NDEL1: variants seen among roughly 807,000 people sequenced by gnomAD.
The protein encoded by NDEL1 is nuclear distribution protein nudE-like 1.
Under a neutral mutation model 45.7 loss-of-function variants are expected in NDEL1, and 9 were observed. The ratio of observed to expected loss-of-function variants is 0.20; its 90% CI spans 0.12 to 0.34. The LOEUF is 0.34. Among genes scored for constraint, NDEL1 ranks in the 10% least tolerant of loss-of-function variants. NDEL1 has a pLI of 1.00. For missense variants in NDEL1, 306 were observed against 406.2 expected (o/e 0.75, Z 2.12); for synonymous variants, 133 against 158.6 (o/e 0.84, Z 1.21).
chr17:8,460,670 G>A (rs1911140592), intron 8 of NDEL1, among the ~76,000 whole-genome samples: 1 of 152,140 alleles, frequency 6.6e-6, no homozygotes. Flanking sequence ...ATTGTTTTAA[G>A]GTTGAAGCAT....
At chr17:8,449,510 A>G (rs1299301372) in intron 5 of NDEL1, among the ~76,000 whole-genome samples, 1 of 152,200 alleles carries the variant, frequency 6.6e-6, no homozygotes, top group Non-Finnish European at 1.5e-5. Flanking sequence ...GAACTTTTTC[A>G]TCTTGCAAAA....
chr17:8,426,501 G>A (rs928206422), intron 1 of NDEL1, among the ~76,000 whole-genome samples: 2 of 152,144 alleles, frequency 1.3e-5, no homozygotes, highest in Non-Finnish European at 2.9e-5. Flanking sequence ...AACAGCCCTT[G>A]GGGTTGCCAG....
intron 1 of NDEL1, among the ~76,000 whole-genome samples, chr17:8,438,160 T>C: frequency 6.6e-6 from 1 of 152,138 alleles, no homozygotes; most frequent in Non-Finnish European, 1.5e-5. Context: ...GGTTTCACCA[T>C]GTTGGTCAGG....
intron 6 of NDEL1, among the ~76,000 whole-genome samples, chr17:8,451,232 G>A (rs1000642194): frequency 3.9e-5 from 6 of 152,088 alleles, no homozygotes; most frequent in African/African-American, 1.2e-4. Context: ...GATTACAGCC[G>A]TATGTTTAGG....
intron 3 of NDEL1, among the ~76,000 whole-genome samples, chr17:8,446,488 G>C (rs1910085685): frequency 6.6e-6 from 1 of 152,188 alleles, no homozygotes; most frequent in African/African-American, 2.4e-5. Flanking sequence ...TAACAAGTTT[G>C]CGGATTTTGA....
At chr17:8,458,714 TTGTC>T (rs1265986217) in intron 7 of NDEL1, among the ~76,000 whole-genome samples, 1 of 152,042 alleles carries the variant, frequency 6.6e-6, no homozygotes, top group African/African-American at 2.4e-5. Context: ...AGAAAAAAGT[TTGTC>T]TGTTTTTGTT....
chr17:8,459,071 GGGA>G (rs1911034639), intron 7 of NDEL1, among the ~76,000 whole-genome samples: 2 of 152,234 alleles, frequency 1.3e-5, no homozygotes, highest in South Asian at 4.1e-4. Flanking sequence ...GAAATGTGGG[GGGA>G]GGAGGTCCAA....
chr17:8,446,672 C>CA (rs377378540), intron 3 of NDEL1, 82 bp from the exon 4 acceptor site: 5 of 1,472,200 alleles, frequency 3.4e-6, no homozygotes, highest in East Asian at 2.3e-5. Flanking sequence ...GGGTTCCCCC[C>CA]CACCCTTTTA....
At chr17:8,438,676 C>A (rs1909516103) in intron 1 of NDEL1, among the ~76,000 whole-genome samples, 1 of 152,044 alleles carries the variant, frequency 6.6e-6, no homozygotes. Context: ...CCACCACACC[C>A]AGCTCATTTT....
At chr17:8,414,872 A>G (rs1042450281) in intron 1 of NDEL1, among the ~76,000 whole-genome samples, 14 of 152,166 alleles carry the variant, frequency 9.2e-5, no homozygotes, top group African/African-American at 3.1e-4. Flanking sequence ...GACCTATAAA[A>G]TTCCTGGCAA....
intron 1 of NDEL1, among the ~76,000 whole-genome samples, chr17:8,424,545 A>G (rs1908779917): frequency 6.6e-6 from 1 of 152,230 alleles, no homozygotes; most frequent in Non-Finnish European, 1.5e-5. Context: ...TCTGTCGCCC[A>G]GGCTGGAGCG....
chr17:8,426,077 C>T (rs1567720596), intron 1 of NDEL1, among the ~76,000 whole-genome samples: 1 of 152,204 alleles, frequency 6.6e-6, no homozygotes, highest in East Asian at 1.9e-4. Context: ...GGAGTAAGCC[C>T]TTGAGCCCAG....
At chr17:8,430,507 T>C (rs886819554) in intron 1 of NDEL1, among the ~76,000 whole-genome samples, 1 of 152,178 alleles carries the variant, frequency 6.6e-6, no homozygotes, top group Non-Finnish European at 1.5e-5. Context: ...CCCAGATCTC[T>C]CTTAGGGTAG....
chr17:8,454,962 A>G, intron 7 of NDEL1, 75 bp downstream of exon 7: 1 of 1,324,338 alleles, frequency 7.6e-7, no homozygotes, highest in Non-Finnish European at 1.1e-6. Context: ...GAAGTGAGGG[A>G]AGAAAGAAAG....
chr17:8,422,510 T>C (rs763981816), intron 1 of NDEL1, among the ~76,000 whole-genome samples: 20 of 151,994 alleles, frequency 1.3e-4, no homozygotes, highest in Non-Finnish European at 2.6e-4. Context: ...AGCACTTCAG[T>C]GAATGTCTTC....
chr17:8,416,617 G>T (rs1016184432), intron 1 of NDEL1, among the ~76,000 whole-genome samples: 3 of 152,144 alleles, frequency 2.0e-5, no homozygotes, highest in Non-Finnish European at 2.9e-5. Context: ...TCATCCCTAG[G>T]ATTCTGAAAT....
At chr17:8,444,532 C>A (rs1909956599) in intron 2 of NDEL1, 175 bp downstream of exon 2, 1 of 541,490 alleles carries the variant, frequency 1.8e-6, no homozygotes, top group Non-Finnish European at 3.3e-6. Flanking sequence ...TGTAAACATG[C>A]CATAAGTCTT....
intron 1 of NDEL1, among the ~76,000 whole-genome samples, chr17:8,425,971 C>T (rs1056999460): frequency 5.3e-4 from 81 of 152,114 alleles, no homozygotes; most frequent in African/African-American, 1.9e-3. Context: ...TTTAAATTTA[C>T]GTGGAGATGG....
chr17:8,416,662 C>A (rs767467211), intron 1 of NDEL1, among the ~76,000 whole-genome samples: 1 of 152,098 alleles, frequency 6.6e-6, no homozygotes, highest in East Asian at 1.9e-4. Context: ...GATTGTCCTG[C>A]GTACTCAGGA....
Sources: gnomAD v4.1 joint callset for allele counts (sites outside exome capture counted in the v4.1 genomes callset) on GRCh38, gnomAD v4.1.1 for gene constraint, MANE v1.5 for transcripts, NCBI Gene and HGNC (gene_info 2026-07-23, HGNC 2026-07-21) for gene names.